FBXO15: variants seen among roughly 807,000 people sequenced by gnomAD.
The protein encoded by FBXO15 is F-box only protein 15.
FBXO15 carries 30 observed loss-of-function variants against 49.5 expected under a neutral mutation model. That is an observed-to-expected ratio of 0.61 (90% confidence interval 0.45 to 0.82). The LOEUF is 0.82. Ranked by LOEUF, FBXO15 falls within the 40% of genes least tolerant of loss-of-function variation. The pLI is 0.00. For synonymous variants in FBXO15, 250 were observed against 232.7 expected (o/e 1.07, Z -0.68); for missense variants, 591 against 631.5 (o/e 0.94, Z 0.69).
At chr18:74,140,694 C>G (rs1318503411) in intron 1 of FBXO15, 2 of 210,376 alleles carry the variant, frequency 9.5e-6, no homozygotes, top group African/African-American at 2.4e-5. Context: ...CTTTAGTGTC[C>G]TGGTAAGGAA....
intron 8 of FBXO15, among the ~76,000 whole-genome samples, chr18:74,118,808 CA>C (rs1278727746): frequency 6.6e-6 from 1 of 152,134 alleles, no homozygotes; most frequent in African/African-American, 2.4e-5. Flanking sequence ...TTTGTGTAGC[CA>C]AGTAACCTAC....
chr18:74,132,111 T>G (rs1978429130), intron 3 of FBXO15, among the ~76,000 whole-genome samples: 1 of 152,202 alleles, frequency 6.6e-6, no homozygotes, highest in Non-Finnish European at 1.5e-5. Context: ...TATATTAAAG[T>G]GTTTGTGTTT....
At chr18:74,081,289 T>G (rs1179071271) in intron 9 of FBXO15, among the ~76,000 whole-genome samples, 1 of 152,128 alleles carries the variant, frequency 6.6e-6, no homozygotes, top group Non-Finnish European at 1.5e-5. Context: ...CCTGGGACAA[T>G]GAAAATCTTG....
intron 8 of FBXO15, among the ~76,000 whole-genome samples, chr18:74,108,300 A>T (rs76781572): frequency 0.021 from 3,193 of 152,206 alleles, 108 homozygotes; most frequent in African/African-American, 0.072. Context: ...AAAATTTTTT[A>T]AAAAAAGACA....
intron 8 of FBXO15, among the ~76,000 whole-genome samples, chr18:74,115,213 C>T (rs1914177486): frequency 6.6e-6 from 1 of 152,164 alleles, no homozygotes; most frequent in Non-Finnish European, 1.5e-5. Flanking sequence ...GAGCTGTTGC[C>T]TCAAAATGGA....
At chr18:74,128,129 T>C (rs1359153601) in intron 5 of FBXO15, among the ~76,000 whole-genome samples, 4 of 152,178 alleles carry the variant, frequency 2.6e-5, no homozygotes, top group Non-Finnish European at 5.9e-5. Context: ...TCTTCAGTAA[T>C]ATATTTAGGA....
intron 8 of FBXO15, among the ~76,000 whole-genome samples, chr18:74,120,318 G>A (rs551928040): frequency 3.9e-5 from 6 of 152,100 alleles, no homozygotes; most frequent in East Asian, 1.9e-4. Context: ...TCTCTCAACC[G>A]GTATTACCTA....
chr18:74,107,559 C>T (rs953727366), intron 8 of FBXO15, among the ~76,000 whole-genome samples: 2 of 152,084 alleles, frequency 1.3e-5, no homozygotes, highest in African/African-American at 4.8e-5. Context: ...ACGCGTAGCT[C>T]TATTGAGCCA....
At chr18:74,117,743 T>C (rs1266171855) in intron 8 of FBXO15, among the ~76,000 whole-genome samples, 2 of 152,176 alleles carry the variant, frequency 1.3e-5, no homozygotes, top group Admixed American at 1.3e-4. Flanking sequence ...AAACCTATAA[T>C]GAGTGCTCAA....
At chr18:74,122,169 A>T (rs1914503213) in intron 8 of FBXO15, among the ~76,000 whole-genome samples, 1 of 152,082 alleles carries the variant, frequency 6.6e-6, no homozygotes, top group Non-Finnish European at 1.5e-5. Flanking sequence ...CTAATCCCAG[A>T]ATCCACTCCC....
rs991954976 is a variant in FBXO15, at chr18:74,123,240, T to G, written c.1138+128A>C. 8 of 1,001,120 alleles carry G rather than the reference T, an allele frequency of 8.0e-6. No homozygotes were observed. The Admixed American group carries it at 1.1e-4, about 14-fold the overall frequency. The allele number at this position is 1,001,120 out of a possible 1,614,324, so 62.0% of individuals were successfully genotyped here. Reference sequence around the variant, plus strand: ...CAAGCCCTGGGATGACACACGGGTCTGGGAGGATACTGGTGCCAAAAGATT... The same window carrying G: ...CAAGCCCTGGGATGACACACGGGTCGGGGAGGATACTGGTGCCAAAAGATT... On this transcript the variant is annotated intron_variant, in intron 8 of 9. Transcript: ENST00000419743.
intron 8 of FBXO15, among the ~76,000 whole-genome samples, chr18:74,108,296 T>G (rs1042897182): frequency 6.6e-5 from 10 of 151,886 alleles, no homozygotes; most frequent in Non-Finnish European, 1.2e-4. Context: ...AAAAAAAATT[T>G]TTTAAAAAAA....
Position 74,123,035 on chromosome 18 carries a change from C to T in FBXO15, c.1138+333G>A, listed in dbSNP as rs372986664. ...GGCACGGGCCCTGCTGGCAAATTTA[C>T]CACATTCCTTTAAGAAAGAAGGGAA... is the stretch of plus-strand genomic sequence containing the variant. On this transcript the variant is annotated intron_variant, in intron 8 of 9. Coordinates refer to ENST00000419743, the MANE Select transcript of FBXO15 (RefSeq NM_001142958.2). 89 of 202,238 alleles carry T rather than the reference C, an allele frequency of 4.4e-4. 1 individual carries two copies. Among genetic ancestry groups the T allele is most frequent in the African/African-American group, 1.9e-3 (80 of 42,916 alleles). The allele number at this position is 202,238 out of a possible 1,614,324, so 12.5% of individuals were successfully genotyped here.
chr18:74,076,768 C>T (rs1912273319), intron 9 of FBXO15, among the ~76,000 whole-genome samples: 1 of 152,154 alleles, frequency 6.6e-6, no homozygotes, highest in Admixed American at 6.5e-5. Context: ...TTCCTTCCGG[C>T]TACCATTAAG....
intron 4 of FBXO15, among the ~76,000 whole-genome samples, 156 bp downstream of exon 4, chr18:74,130,260 G>A (rs1352882040): frequency 1.3e-5 from 2 of 152,174 alleles, no homozygotes; most frequent in African/African-American, 2.4e-5. Flanking sequence ...AGATGCAGAA[G>A]GCTATGCGGA....
intron 3 of FBXO15, among the ~76,000 whole-genome samples, chr18:74,133,898 T>A (rs1379750621): frequency 1.3e-5 from 2 of 152,118 alleles, no homozygotes; most frequent in African/African-American, 4.8e-5. Flanking sequence ...AGGGATCTGT[T>A]CCCATGACCC....
At chr18:74,082,104 A>G in intron 8 of FBXO15, 53 bp from the exon 9 acceptor site, 1 of 1,589,444 alleles carries the variant, frequency 6.3e-7, no homozygotes, top group Non-Finnish European at 8.6e-7. Context: ...AAGATGACAA[A>G]CCAAGCACGT....
At chr18:74,080,324 A>G (rs1363952025) in intron 9 of FBXO15, among the ~76,000 whole-genome samples, 1 of 152,232 alleles carries the variant, frequency 6.6e-6, no homozygotes, top group Non-Finnish European at 1.5e-5. Context: ...ATCCAAGAGC[A>G]TAAAAGGCAA....
intron 7 of FBXO15, among the ~76,000 whole-genome samples, chr18:74,123,721 T>C (rs1316666456): frequency 2.0e-5 from 3 of 152,130 alleles, no homozygotes; most frequent in East Asian, 1.9e-4. Flanking sequence ...CAGGCAATGA[T>C]GTGAGTTCTG....
Sources: allele counts gnomAD v4.1 joint callset (sites outside exome capture counted in the v4.1 genomes callset), GRCh38; gene constraint gnomAD v4.1.1; transcripts MANE v1.5; gene names NCBI Gene and HGNC (gene_info 2026-07-23, HGNC 2026-07-21).